SECISBP2: variants seen among roughly 807,000 people sequenced by gnomAD.
SECISBP2 encodes SECIS binding protein 2.
In SECISBP2, 96 loss-of-function variants were observed where a neutral mutation model predicts 98.2. The ratio of observed to expected loss-of-function variants is 0.98; its 90% confidence interval spans 0.83 to 1.16. The LOEUF (loss-of-function observed/expected upper bound fraction) is 1.16, where lower values mean the gene tolerates loss of function less well. Among genes scored for constraint, SECISBP2 ranks in the 50% most tolerant of loss-of-function variants. The pLI is 0.00. For missense variants in SECISBP2, 1,046 were observed against 1,022.9 expected, an observed-to-expected ratio of 1.02 and a Z score of -0.31; for synonymous variants, 407 against 370.2, an observed-to-expected ratio of 1.10 and a Z score of -1.14.
Position 89,328,754 on chromosome 9 carries a change from T to C in SECISBP2, c.669T>C (p.Phe223=), listed in dbSNP as rs142217806. The C allele has an allele frequency of 5.9e-5, 96 of 1,614,194 alleles. No individual in the cohort carries two copies. The highest frequency in any genetic ancestry group is 3.1e-4 in the African/African-American group (23 of 75,056). The change falls in exon 5 of 17, where the codon TTT becomes TTC. Residue 223 remains phenylalanine (F), a synonymous_variant. Coordinates refer to ENST00000375807, the MANE Select transcript of SECISBP2 (RefSeq NM_024077.5). ...KPEFEFTTLD[F]PELQGAENNM... ...AGTTTGAATTTACCACACTGGACTT[T>C]CCTGAACTGCAAGGTGCAGAGAACA...
intron 11 of SECISBP2, among the ~76,000 whole-genome samples, chr9:89,347,297 T>C (rs1451183070): frequency 6.6e-6 from 1 of 152,124 alleles, no homozygotes; most frequent in Non-Finnish European, 1.5e-5. Flanking sequence ...TTTTCAACTT[T>C]GCAATGGATG....
chr9:89,332,876 C>G, intron 5 of SECISBP2, 32 bp from the exon 6 acceptor site: 9 of 1,544,436 alleles, frequency 5.8e-6, no homozygotes, highest in Non-Finnish European at 8.1e-6. Flanking sequence ...ATTTGCATTT[C>G]TCTGATGACA....
At chr9:89,355,209 G>C in intron 14 of SECISBP2, 1 of 985,458 alleles carries the variant, frequency 1.0e-6, no homozygotes, top group Non-Finnish European at 1.2e-6. Flanking sequence ...GTAGATTCCA[G>C]GTGATACTAT....
Position 89,318,600 on chromosome 9 carries a change from G to A in SECISBP2, c.24G>A (p.Glu8=). 2.7e-6 allele frequency: 4 copies of A among 1,460,594 alleles called. No homozygotes were observed. The allele number at this position is 1,460,594 out of a possible 1,614,324, so 90.5% of individuals were successfully genotyped here. Residue 8 remains glutamate, a synonymous_variant, in exon 1 of 17, where the codon GAG becomes GAA. Transcript: ENST00000375807. MASEGPR[E]PESEGIKLSA... ...GCATGGCGTCGGAGGGGCCGCGGGA[G>A]CCCGAAAGCGAGGTAAGGGCCGACG...
rs760407584 is a variant in SECISBP2, at chr9:89,334,740, A to G, written c.1089+10A>G. The G allele has an allele frequency of 6.2e-7, 1 of 1,602,944 alleles. No homozygotes were observed. The highest frequency in any genetic ancestry group is 1.1e-5 in the South Asian group (1 of 90,784). ...TCATCCTACCCAAAAGGTACGTGTCACTAGAGACAGAAAGTAGGATGGTGG... is the reference window on the plus strand; with the variant it reads ...TCATCCTACCCAAAAGGTACGTGTCGCTAGAGACAGAAAGTAGGATGGTGG... On this transcript the variant is annotated intron_variant, in intron 7 of 16. Transcript: ENST00000375807.
chr9:89,323,356 GGGT>G (rs1826132488), intron 2 of SECISBP2: 1 of 152,334 alleles, frequency 6.6e-6, no homozygotes, highest in African/African-American at 2.4e-5. Flanking sequence ...TGTGTCAGAT[GGGT>G]GAGATAAGGA....
At chr9:89,322,602 C>A (rs561891274) in intron 2 of SECISBP2, 19 of 152,306 alleles carry the variant, frequency 1.2e-4, no homozygotes, top group South Asian at 4.1e-4. Flanking sequence ...GGTAGTTGAG[C>A]ATTTTCACCA....
chr9:89,332,408 G>C (rs1309312833), intron 5 of SECISBP2, among the ~76,000 whole-genome samples: 1 of 152,194 alleles, frequency 6.6e-6, no homozygotes, highest in Non-Finnish European at 1.5e-5. Flanking sequence ...AATGATGTGT[G>C]TCTACCATAG....
chr9:89,353,654 A>G (rs992677094), intron 14 of SECISBP2, among the ~76,000 whole-genome samples: 10 of 152,154 alleles, frequency 6.6e-5, no homozygotes, highest in African/African-American at 2.2e-4. Flanking sequence ...GTCCATTTGC[A>G]TGTCAGCTTC....
rs1488922165 is a variant in SECISBP2, at chr9:89,349,783, G to C, written c.1746G>C (p.Glu582Asp). 6.2e-7 allele frequency: 1 copy of C among 1,614,074 alleles called. No homozygotes were observed. Among genetic ancestry groups the C allele is most frequent in the Non-Finnish European group, 8.5e-7 (1 of 1,180,034 alleles). ...FPEQAELSGP[E>D]GMDELISTPS... Reference sequence around the variant, plus strand: ...CCTTTTTCCTCCATGAAGGGCCAGAGGGGATGGACGAACTGATCTCCACTC... The same window carrying C: ...CCTTTTTCCTCCATGAAGGGCCAGACGGGATGGACGAACTGATCTCCACTC... Residue 582 changes from glutamate (E) to aspartate (D), a missense_variant, in exon 13 of 17, where the codon GAG becomes GAC. By Grantham distance (45) the Glu-to-Asp change is conservative. Coordinates refer to ENST00000375807, the MANE Select transcript of SECISBP2 (RefSeq NM_024077.5).
intron 3 of SECISBP2, 39 bp from the exon 4 acceptor site, chr9:89,325,858 G>A (rs1280510869): frequency 6.2e-7 from 1 of 1,612,430 alleles, no homozygotes; most frequent in African/African-American, 1.3e-5. Flanking sequence ...TTTTATAGTG[G>A]TGGTTTTATT....
chr9:89,355,279 TG>T, intron 14 of SECISBP2: 1 of 985,474 alleles, frequency 1.0e-6, no homozygotes, highest in Non-Finnish European at 1.2e-6. Flanking sequence ...GTGAGTATCC[TG>T]TAGGCCAGAT....
chr9:89,355,194 T>C (rs992736858), intron 14 of SECISBP2: 2 of 985,462 alleles, frequency 2.0e-6, no homozygotes, highest in Non-Finnish European at 2.4e-6. Flanking sequence ...AGGATCGATA[T>C]GTAAGTAGAT....
intron 5 of SECISBP2, 82 bp downstream of exon 5, chr9:89,328,968 G>A: frequency 8.4e-7 from 1 of 1,194,460 alleles, no homozygotes; most frequent in Non-Finnish European, 1.2e-6. Context: ...ATTAAATCTT[G>A]CTGTGGGCTT....
At chr9:89,322,444 A>G (rs1825972284) in intron 2 of SECISBP2, 1 of 152,232 alleles carries the variant, frequency 6.6e-6, no homozygotes, top group Non-Finnish European at 1.5e-5. Flanking sequence ...CATAGTTACT[A>G]CAATCCATGA....
chr9:89,344,304 T>C (rs1055766839), intron 10 of SECISBP2, among the ~76,000 whole-genome samples: 1 of 152,254 alleles, frequency 6.6e-6, no homozygotes, highest in Non-Finnish European at 1.5e-5. Context: ...ATGCAGAAGC[T>C]CTTTAGTTTA....
At chr9:89,321,593 G>T (rs1362067646) in intron 2 of SECISBP2, among the ~76,000 whole-genome samples, 2 of 152,096 alleles carry the variant, frequency 1.3e-5, no homozygotes, top group Non-Finnish European at 2.9e-5. Context: ...TTGAACCCAG[G>T]AGATGGAGGT....
Position 89,347,959 on chromosome 9 carries a change from CT to C in SECISBP2, c.1603-119del, listed in dbSNP as rs1235457383. 5.1e-5 allele frequency: 49 copies of C among 956,756 alleles called. 1 individual carries two copies. Among genetic ancestry groups the C allele is most frequent in the Non-Finnish European group, 7.9e-5 (49 of 622,738 alleles). 59.3% of individuals were successfully genotyped at this position (956,756 alleles called of 1,614,324 possible). A position where few individuals can be genotyped will look rare whatever the true frequency, so the allele number is the denominator to read the frequency against. ...CTGGAGTCTGGGGAGCACTTGGCTG[CT>C]CTCAGGGCACTAAGAGGCACATTGC... On this transcript the variant is annotated intron_variant, in intron 11 of 16. Transcript: ENST00000375807.
chr9:89,347,666 A>G (rs962259912), intron 11 of SECISBP2, among the ~76,000 whole-genome samples: 3 of 151,794 alleles, frequency 2.0e-5, no homozygotes, highest in Non-Finnish European at 4.4e-5. Flanking sequence ...TTTAGTAGAG[A>G]CGAGGTCTCA....
Sources: allele counts gnomAD v4.1 joint callset (sites outside exome capture counted in the v4.1 genomes callset), GRCh38; gene constraint gnomAD v4.1.1; transcripts MANE v1.5; gene names NCBI Gene and HGNC (gene_info 2026-07-23, HGNC 2026-07-21).